Variants in DNM1 observed in about 807,000 individuals in gnomAD.
The protein encoded by DNM1 is dynamin-1.
Under a neutral mutation model 104.6 loss-of-function variants are expected in DNM1, and 29 were observed. That is an observed-to-expected ratio of 0.28 (90% CI 0.21 to 0.38). The LOEUF is 0.38. Ranked by LOEUF, DNM1 falls within the 10% of genes least tolerant of loss-of-function variation. The pLI, the probability that DNM1 is intolerant of heterozygous loss-of-function variation, is 1.00. For synonymous variants in DNM1, 445 were observed against 475.8 expected (o/e 0.94, Z 0.84); for missense variants, 640 against 1,189.4 (o/e 0.54, Z 6.79).
In DNM1 at chr9:128,220,742, C is replaced by CGCGCGCGCGCGCGCGT. The variant is rs61020870; in HGVS notation, c.849+402_849+403insCGCGCGCGCGCGCGTG. On this transcript the variant is annotated intron_variant, in intron 6 of 21. Coordinates refer to ENST00000372923, the MANE Select transcript of DNM1 (RefSeq NM_004408.4). This position sits in a 1 kb window ranked among gnomAD's most constrained non-coding sequence, Gnocchi z 5.2. ...CAGAACTGAAGTGCGCGCGCGCGCGCGTGTGTGTGTGTGTGTGTGTGTGTG... is the reference window on the plus strand; with the variant it reads ...CAGAACTGAAGTGCGCGCGCGCGCGCGCGCGCGCGCGCGCGTGTGTGTGTGTGTGTGTGTGTGTGTG... 1.2e-4 allele frequency among the ~76,000 whole-genome samples: 16 copies of CGCGCGCGCGCGCGCGT among 136,278 alleles called. No homozygotes were observed. Among genetic ancestry groups the CGCGCGCGCGCGCGCGT allele is most frequent in the Non-Finnish European group, 1.1e-4 (7 of 63,298 alleles). 89.4% of individuals were successfully genotyped at this position (136,278 alleles called of 152,430 possible). A position where few individuals can be genotyped will look rare whatever the true frequency, so the allele number is the denominator to read the frequency against.
chr9:128,218,098 C>T lies in DNM1; in HGVS notation c.162-133C>T. On this transcript the variant is annotated intron_variant, in intron 1 of 21. Transcript: ENST00000372923. This position sits in a 1 kb window ranked among gnomAD's most constrained non-coding sequence, Gnocchi z 4.8. ...GCCATATGCTCTTAGTTACCTGAAGCCCCTGGGCTAAGGAGCGGTGGAGCC... is the reference window on the plus strand; with the variant it reads ...GCCATATGCTCTTAGTTACCTGAAGTCCCTGGGCTAAGGAGCGGTGGAGCC... The T allele has an allele frequency of 1.2e-6, 1 of 825,584 alleles. No homozygotes were observed. Among genetic ancestry groups the T allele is most frequent in the East Asian group, 2.4e-5 (1 of 40,910 alleles). 51.1% of individuals were successfully genotyped at this position (825,584 alleles called of 1,614,324 possible).
In DNM1 at chr9:128,218,975, C is replaced by T; in HGVS notation, c.386-74C>T. On this transcript the variant is annotated intron_variant, in intron 3 of 21. Transcript: ENST00000372923. The surrounding 1 kb of genome is among the most constrained non-coding windows in gnomAD (Gnocchi z 4.8). ...CCCTGCTCCCAAGCAGCTTCTCTAA[C>T]CCCGCCCTATTCTTTAACCTCGCCC... 6.5e-7 allele frequency: 1 copy of T among 1,550,314 alleles called. No individual in the cohort carries two copies. Among genetic ancestry groups the T allele is most frequent in the Admixed American group, 1.7e-5 (1 of 58,436 alleles).
chr9:128,213,241 C>T, intron 1 of DNM1, among the ~76,000 whole-genome samples: 1 of 152,002 alleles, frequency 6.6e-6, no homozygotes, highest in East Asian at 1.9e-4. Flanking sequence ...GCCACCACAC[C>T]CTGCTAATTT....
At chr9:128,207,161 G>A (rs1041857042) in intron 1 of DNM1, among the ~76,000 whole-genome samples, 2 of 152,082 alleles carry the variant, frequency 1.3e-5, no homozygotes, top group Admixed American at 6.5e-5. Flanking sequence ...GGAGCAGACT[G>A]GGGGGATGGG....
At chr9:128,211,479 T>A (rs1834295354) in intron 1 of DNM1, among the ~76,000 whole-genome samples, 1 of 133,090 alleles carries the variant, frequency 7.5e-6, no homozygotes, top group African/African-American at 2.6e-5. Context: ...CCTCTTTTTT[T>A]TTTTTTTTTT....
At chr9:128,213,491 G>C (rs1381125659) in intron 1 of DNM1, among the ~76,000 whole-genome samples, 1 of 151,180 alleles carries the variant, frequency 6.6e-6, no homozygotes, top group African/African-American at 2.4e-5. Flanking sequence ...ATTGATGGAA[G>C]GGAGGGAGGG....
intron 1 of DNM1, chr9:128,204,470 C>A (rs1255129345): frequency 6.6e-6 from 1 of 152,324 alleles, no homozygotes; most frequent in Non-Finnish European, 1.5e-5. Flanking sequence ...CCCCCTCCCG[C>A]CTCTGATCCC....
chr9:128,220,023 C>G lies in DNM1; in HGVS notation c.625C>G (p.Leu209Val). The G allele has an allele frequency of 6.2e-7, 1 of 1,601,578 alleles. No individual in the cohort carries two copies. The highest frequency in any genetic ancestry group is 8.5e-7 in the Non-Finnish European group (1 of 1,173,696). Reference protein sequence around the residue: ...RTIGVITKLDLMDEGTDARDV... With the variant: ...RTIGVITKLDVMDEGTDARDV... ...CATCGGGGTCATCACCAAGCTGGAC[C>G]TGATGGACGAGGGCACAGATGCCCG... The change falls in exon 5 of 22, where the codon CTG becomes GTG. Residue 209 changes from leucine (L) to valine (V), a missense_variant. Coordinates refer to ENST00000372923, the MANE Select transcript of DNM1 (RefSeq NM_004408.4). The surrounding 1 kb of genome is among the most constrained non-coding windows in gnomAD (Gnocchi z 5.2).
At chr9:128,235,091 C>A (rs1013121655) in intron 11 of DNM1, among the ~76,000 whole-genome samples, 1 of 152,056 alleles carries the variant, frequency 6.6e-6, no homozygotes. Flanking sequence ...CCGTGCCTGG[C>A]CTGTCTCTAT....
Position 128,234,005 on chromosome 9 carries a change from T to C in DNM1, c.1336-16T>C. The C allele has an allele frequency of 6.4e-7, 1 of 1,554,586 alleles. No homozygotes were observed. Among genetic ancestry groups the C allele is most frequent in the Non-Finnish European group, 8.7e-7 (1 of 1,149,222 alleles). ...CCTCTGTGTACGTGGCTTTCTGCCC[T>C]CCTGCCCTTCCCCAGCTCCAGCAGT... is the stretch of plus-strand genomic sequence containing the variant. On this transcript the variant is annotated splice_polypyrimidine_tract_variant and intron_variant, in intron 10 of 21. Transcript: ENST00000372923.
intron 21 of DNM1, 28 bp downstream of exon 21, chr9:128,250,968 A>G (rs772164076): frequency 6.4e-4 from 829 of 1,292,256 alleles, no homozygotes; most frequent in Non-Finnish European, 8.4e-4. Context: ...GCGGCTGGAG[A>G]GGCTGCCGGA....
Position 128,243,208 on chromosome 9 carries a change from C to T in DNM1, c.1671+863C>T, listed in dbSNP as rs1367242222. ...CAGAAGCCCCTGCCACCTCCTTCCC[C>T]TGTTGCTGGTCTCCTTTAAGAATGA... On this transcript the variant is annotated intron_variant, in intron 15 of 21. Transcript: ENST00000372923. This position sits in a 1 kb window ranked among gnomAD's most constrained non-coding sequence, Gnocchi z 4.0. Among the ~76,000 whole-genome samples the T allele has an allele frequency of 6.6e-6, 1 of 152,172 alleles. No individual in the cohort carries two copies. The highest frequency in any genetic ancestry group is 1.5e-5 in the Non-Finnish European group (1 of 68,026).
At chr9:128,219,440 G>A (rs1300645215) in intron 4 of DNM1, among the ~76,000 whole-genome samples, 188 bp downstream of exon 4, 4 of 152,168 alleles carry the variant, frequency 2.6e-5, no homozygotes, top group African/African-American at 9.7e-5. Context: ...AGGCCAAGCC[G>A]GGAGGATTGC....
chr9:128,209,724 C>T (rs993123848), intron 1 of DNM1, among the ~76,000 whole-genome samples: 5 of 152,226 alleles, frequency 3.3e-5, no homozygotes, highest in African/African-American at 1.2e-4. Flanking sequence ...AACACCCCAG[C>T]CCTCATATCC....
chr9:128,231,194 C>CTTTTTTTTTTT (rs72047067), intron 10 of DNM1, among the ~76,000 whole-genome samples: 1 of 68,512 alleles, frequency 1.5e-5, no homozygotes, highest in Non-Finnish European at 2.5e-5. Flanking sequence ...ATACTTTTGC[C>CTTTTTTTTTTT]TTTTTTTTTT....
rs1342341984 is a variant in DNM1 at position 128,203,761 on chromosome 9, C to T, written c.161+130C>T. 1.0e-5 allele frequency: 9 copies of T among 864,494 alleles called. No homozygotes were observed. In the Admixed American group the frequency reaches 1.9e-4, roughly 18 times the overall value. 53.6% of individuals were successfully genotyped at this position (864,494 alleles called of 1,614,324 possible). The stretch of plus-strand genomic sequence containing the variant: ...ACCCGCGGCCGGCGCGCCCCCCACC[C>T]CCAGCCGGAGCGAGGAGGCCCTCCC... On this transcript the variant is annotated intron_variant, in intron 1 of 21. Coordinates refer to ENST00000372923, the MANE Select transcript of DNM1 (RefSeq NM_004408.4). This position sits in a 1 kb window ranked among gnomAD's most constrained non-coding sequence, Gnocchi z 5.3.
intron 1 of DNM1, among the ~76,000 whole-genome samples, chr9:128,207,872 G>C (rs1834060574): frequency 6.6e-6 from 1 of 152,002 alleles, no homozygotes; most frequent in Non-Finnish European, 1.5e-5. Flanking sequence ...CAGGATGGGG[G>C]CACGGGTTGG....
In DNM1 at chr9:128,255,047, C is replaced by T. The variant is rs1829765419; in HGVS notation, c.*333C>T. The T allele has an allele frequency of 4.6e-6, 1 of 216,094 alleles. No individual in the cohort carries two copies. Among genetic ancestry groups the T allele is most frequent in the Admixed American group, 6.2e-5 (1 of 16,186 alleles). The allele number at this position is 216,094 out of a possible 1,614,324, so 13.4% of individuals were successfully genotyped here. On this transcript the variant is annotated 3_prime_UTR_variant, in exon 22 of 22. Transcript: ENST00000372923. ...CCCAACTACCAGAGAACGCTGTCCC[C>T]CGACATCCCACTCCAAAGTGTGCCA...
chr9:128,246,464 C>T lies in DNM1; in HGVS notation c.1742C>T (p.Ser581Leu). ...KLRDVEKGFMSSKHIFALFNT... is the reference protein window; with the variant it reads ...KLRDVEKGFMLSKHIFALFNT... Reference sequence around the variant, plus strand: ...CGGGACGTGGAGAAGGGCTTTATGTCGAGCAAGCATATCTTTGCCCTCTTT... The same window carrying T: ...CGGGACGTGGAGAAGGGCTTTATGTTGAGCAAGCATATCTTTGCCCTCTTT... The change falls in exon 16 of 22, where the codon TCG (serine) becomes TTG (leucine). Residue 581 changes from serine to leucine, a missense_variant. This residue lies in a region of DNM1 where 91 missense variants were observed against 256.3 expected (regional missense o/e 0.36). Transcript: ENST00000372923. 2 of 1,614,078 alleles carry T rather than the reference C, an allele frequency of 1.2e-6. No homozygotes were observed. Among genetic ancestry groups the T allele is most frequent in the Non-Finnish European group, 1.7e-6 (2 of 1,179,972 alleles).
Sources: gnomAD v4.1 joint callset for allele counts (sites outside exome capture counted in the v4.1 genomes callset) on GRCh38, gnomAD v4.1.1 for gene constraint, gnomAD v4.1.1 regional missense constraint, Gnocchi (gnomAD v3.1) non-coding constraint, MANE v1.5 for transcripts, NCBI Gene and HGNC (gene_info 2026-07-23, HGNC 2026-07-21) for gene names.